The following GSDME variants were observed in gnomAD, a reference collection of about 807,000 sequenced individuals.
The protein encoded by GSDME is gasdermin E, also known as gasdermin-E.
A neutral mutation model predicts 47.5 loss-of-function variants in GSDME; 44 were observed. The ratio of observed to expected loss-of-function variants is 0.93; its 90% CI spans 0.73 to 1.19. The LOEUF is 1.19. GSDME is among the 50% of genes most tolerant of loss of function. GSDME has a pLI of 0.00. For synonymous variants in GSDME, 258 were observed against 252.8 expected (o/e 1.02, Z -0.20); for missense variants, 663 against 604.2 (o/e 1.10, Z -1.02).
At chr7:24,767,623 T>C in the GSDME span, among the ~76,000 whole-genome samples, 1 of 152,054 alleles carries the variant, frequency 6.6e-6, no homozygotes, top group East Asian at 1.9e-4. This position sits in a 1 kb window ranked among gnomAD's most constrained non-coding sequence, Gnocchi z 5.3. Context: ...TAGAACCTTT[T>C]TTTTTTTGTT....
intron 3 of GSDME, among the ~76,000 whole-genome samples, chr7:24,730,617 C>A (rs1263426377): frequency 6.6e-6 from 1 of 152,084 alleles, no homozygotes; most frequent in Non-Finnish European, 1.5e-5. Flanking sequence ...GAGTTCAAGA[C>A]CAGCCTGGCC....
chr7:24,708,035 C>T (rs552092270), intron 7 of GSDME, 92 bp downstream of exon 7: 100 of 1,509,886 alleles, frequency 6.6e-5, no homozygotes, highest in African/African-American at 5.3e-4. Flanking sequence ...GAAAAGGAGG[C>T]GGGGGAACCT....
At chr7:24,708,348 A>T in intron 6 of GSDME, 94 bp from the exon 7 acceptor site, 1 of 1,458,494 alleles carries the variant, frequency 6.9e-7, no homozygotes, top group Admixed American at 1.8e-5. Flanking sequence ...AATCGTCATC[A>T]GTTCTTTCAT....
chr7:24,750,089 G>C (rs548473562), intron 1 of GSDME, among the ~76,000 whole-genome samples: 16 of 152,256 alleles, frequency 1.1e-4, no homozygotes, highest in African/African-American at 3.6e-4. Context: ...CACAATACAG[G>C]GGTACAAGAG....
rs59045346 is a variant in GSDME, at chr7:24,726,656, T to C, written c.405-7438A>G. On this transcript the variant is annotated intron_variant, in intron 3 of 9. Coordinates refer to ENST00000645220, the MANE Select transcript of GSDME (RefSeq NM_001127453.2). This position sits in a 1 kb window ranked among gnomAD's most constrained non-coding sequence, Gnocchi z 5.6. Reference sequence around the variant, plus strand: ...GGTTAATATGGTGAAACCCCGTCTCTACTAAAAATACAAAAAATCAGCCCG... The same window carrying C: ...GGTTAATATGGTGAAACCCCGTCTCCACTAAAAATACAAAAAATCAGCCCG... Among the ~76,000 whole-genome samples the C allele has an allele frequency of 0.065, 9,834 of 152,098 alleles. 842 individuals carry two copies. The highest frequency in any genetic ancestry group is 0.27 in the East Asian group (1,395 of 5,150).
rs1346016123 is a variant in GSDME at position 24,716,543 on chromosome 7, A to G, written c.697+711T>C. ...TCATGAGTGAACACAACCTCTTCTC[A>G]TTGGGAACATGAGGAGGGAAGGGGC... On this transcript the variant is annotated intron_variant, in intron 5 of 9. Transcript: ENST00000645220. This position sits in a 1 kb window ranked among gnomAD's most constrained non-coding sequence, Gnocchi z 4.5. The G allele has an allele frequency of 1.3e-5, 2 of 153,564 alleles. No individual in the cohort carries two copies. The highest frequency in any genetic ancestry group is 1.9e-4 in the East Asian group (1 of 5,200). The allele number at this position is 153,564 out of a possible 1,614,324, so 9.5% of individuals were successfully genotyped here.
chr7:24,707,019 C>T (rs927448059), intron 7 of GSDME, among the ~76,000 whole-genome samples: 3 of 152,324 alleles, frequency 2.0e-5, no homozygotes, highest in Non-Finnish European at 2.9e-5. Flanking sequence ...AAGTTATTTT[C>T]GGAAGTAGAA....
intron 9 of GSDME, among the ~76,000 whole-genome samples, chr7:24,702,157 C>T (rs1336085421): frequency 2.6e-5 from 4 of 152,220 alleles, no homozygotes; most frequent in African/African-American, 9.7e-5. Context: ...TTCAGGGCAA[C>T]CTGTTGGTGG....
the GSDME span, among the ~76,000 whole-genome samples, chr7:24,792,431 G>A: frequency 6.6e-6 from 1 of 152,316 alleles, no homozygotes; most frequent in South Asian, 2.1e-4. Flanking sequence ...TGCCTAGTCT[G>A]AGAAGAGTCA....
intron 7 of GSDME, chr7:24,707,132 T>C: frequency 2.8e-6 from 1 of 359,874 alleles, no homozygotes; most frequent in Non-Finnish European, 5.4e-6. Context: ...ACAGGTTCCA[T>C]CACTGATACC....
At chr7:24,784,583 G>T in the GSDME span, among the ~76,000 whole-genome samples, 2 of 151,342 alleles carry the variant, frequency 1.3e-5, no homozygotes, top group African/African-American at 4.9e-5. Flanking sequence ...GACTTAGCAA[G>T]CCAGCTGATC....
At chr7:24,777,018 T>C in the GSDME span, among the ~76,000 whole-genome samples, 1 of 152,248 alleles carries the variant, frequency 6.6e-6, no homozygotes, top group East Asian at 1.9e-4. Context: ...ATAATTGTTA[T>C]ATTCACTGTA....
At chr7:24,790,533 T>G in the GSDME span, among the ~76,000 whole-genome samples, 2 of 152,168 alleles carry the variant, frequency 1.3e-5, no homozygotes, top group African/African-American at 4.8e-5. This position sits in a 1 kb window ranked among gnomAD's most constrained non-coding sequence, Gnocchi z 4.1. Context: ...GTTGGGTAAT[T>G]TGGCGTAAAC....
the GSDME span, among the ~76,000 whole-genome samples, chr7:24,774,287 C>CCCTCCCTCCCTCCCTT: frequency 5.2e-5 from 1 of 19,350 alleles, no homozygotes. Context: ...CTCCCTTCCT[C>CCCTCCCTCCCTCCCTT]CCTCCCTCCC....
upstream of GSDME, among the ~76,000 whole-genome samples, chr7:24,762,000 TC>T (rs1402366828): frequency 3.9e-5 from 6 of 152,150 alleles, no homozygotes; most frequent in Non-Finnish European, 8.8e-5. The surrounding 1 kb of genome is among the most constrained non-coding windows in gnomAD (Gnocchi z 4.4). Context: ...CTGTCTGTAT[TC>T]CCAACACTTT....
intron 7 of GSDME, chr7:24,707,305 C>T (rs1232407360): frequency 2.1e-6 from 1 of 470,982 alleles, no homozygotes; most frequent in Non-Finnish European, 4.4e-6. Context: ...TTTATAAAGC[C>T]TCAGCCTTAA....
chr7:24,755,958 T>C (rs1791003154), intron 1 of GSDME, among the ~76,000 whole-genome samples: 2 of 152,252 alleles, frequency 1.3e-5, no homozygotes, highest in African/African-American at 2.4e-5. Flanking sequence ...GTTTTCTAGA[T>C]AGCAAAGTGC....
intron 3 of GSDME, among the ~76,000 whole-genome samples, chr7:24,719,550 T>C (rs1194851621): frequency 6.6e-6 from 1 of 151,608 alleles, no homozygotes; most frequent in Non-Finnish European, 1.5e-5. Flanking sequence ...CCCAGCACTT[T>C]GGGAGGCTGA....
rs757639010 is a variant in GSDME, at chr7:24,699,083, T to G, written c.1434A>C (p.Pro478=). 1.2e-6 allele frequency: 2 copies of G among 1,614,194 alleles called. No homozygotes were observed. Among genetic ancestry groups the G allele is most frequent in the South Asian group, 2.2e-5 (2 of 91,090 alleles). The change falls in exon 10 of 10, where the codon CCA becomes CCC. Residue 478 remains proline (P), a synonymous_variant. Coordinates refer to ENST00000645220, the MANE Select transcript of GSDME (RefSeq NM_001127453.2). ...AVILKDSKVF[P]LLLCITLNGL... is the part of the protein sequence containing the mutation. ...CATTCAGGGTTATACAAAGAAGCAG[T>G]GGGAAGACTTTAGAGTCCTTCAGAA...
Sources: gnomAD v4.1 joint callset for allele counts (sites outside exome capture counted in the v4.1 genomes callset) on GRCh38, gnomAD v4.1.1 for gene constraint, Gnocchi (gnomAD v3.1) non-coding constraint, MANE v1.5 for transcripts, NCBI Gene and HGNC (gene_info 2026-07-23, HGNC 2026-07-21) for gene names.